TAOK3: variants seen among roughly 807,000 people sequenced by gnomAD.
The protein encoded by TAOK3 is TAO kinase 3, also known as serine/threonine-protein kinase TAO3.
Under a neutral mutation model 120.4 loss-of-function variants are expected in TAOK3, and 40 were observed. The observed-to-expected ratio is 0.33, with a 90% CI of 0.26 to 0.43. The LOEUF is 0.43. Ranked by LOEUF, TAOK3 falls within the 20% of genes least tolerant of loss-of-function variation. TAOK3 has a pLI of 1.00. For missense variants in TAOK3, 821 were observed against 1,112.1 expected (o/e 0.74, Z 3.72); for synonymous variants, 355 against 387.5 (o/e 0.92, Z 0.99).
At chr12:118,353,786 G>A (rs2045279275) in intron 1 of TAOK3, among the ~76,000 whole-genome samples, 1 of 152,162 alleles carries the variant, frequency 6.6e-6, no homozygotes, top group Non-Finnish European at 1.5e-5. Context: ...CCAGGAGCTG[G>A]CTAGGAGACA....
At chr12:118,250,815 G>C (rs2040718373) in intron 3 of TAOK3, among the ~76,000 whole-genome samples, 1 of 152,192 alleles carries the variant, frequency 6.6e-6, no homozygotes, top group South Asian at 2.1e-4. Flanking sequence ...ATGTGACTTA[G>C]GGAGGTCAGG....
At chr12:118,320,399 C>A (rs567664566) in intron 1 of TAOK3, among the ~76,000 whole-genome samples, 65 of 151,740 alleles carry the variant, frequency 4.3e-4, no homozygotes, top group African/African-American at 1.6e-3. Context: ...TGAGACAAGC[C>A]TGGACAACGT....
At chr12:118,219,311 G>A (rs1290297728) in intron 9 of TAOK3, among the ~76,000 whole-genome samples, 1 of 151,360 alleles carries the variant, frequency 6.6e-6, no homozygotes, top group African/African-American at 2.4e-5. Flanking sequence ...GGAGTGCAGT[G>A]GCGTGATCAG....
intron 1 of TAOK3, among the ~76,000 whole-genome samples, chr12:118,358,682 T>A (rs2045490233): frequency 6.6e-6 from 1 of 152,180 alleles, no homozygotes. Flanking sequence ...AAAAATTAAA[T>A]TTTTTTGAAA....
At position 118,243,501 on chromosome 12, in the gene TAOK3, G is replaced by A; in HGVS notation, c.208C>T (p.Leu70Phe). 1.4e-6 allele frequency: 2 copies of A among 1,480,472 alleles called. No individual in the cohort carries two copies. The highest frequency in any genetic ancestry group is 1.8e-6 in the Non-Finnish European group (2 of 1,106,276). 91.7% of individuals were successfully genotyped at this position (1,480,472 alleles called of 1,614,324 possible). Reference sequence around the variant, plus strand: ...TGTCGTAAAAATTTAACTTCCTTAAGAATATCTTGCCATTTCTATTGAAGT... The same window carrying A: ...TGTCGTAAAAATTTAACTTCCTTAAAAATATCTTGCCATTTCTATTGAAGT... ...KQTHEKWQDI[L>F]KEVKFLRQLK... The change falls in exon 5 of 21, where the codon CTT becomes TTT. Residue 70 changes from leucine to phenylalanine, a missense_variant. By Grantham distance (22) the Leu-to-Phe change is conservative. Coordinates refer to ENST00000392533, the MANE Select transcript of TAOK3 (RefSeq NM_016281.4).
intron 1 of TAOK3, among the ~76,000 whole-genome samples, chr12:118,269,121 CT>C (rs2041588125): frequency 6.6e-6 from 1 of 151,772 alleles, no homozygotes; most frequent in Non-Finnish European, 1.5e-5. Flanking sequence ...AGTTTTCTTT[CT>C]CTTTCTTTCT....
chr12:118,346,451 T>C (rs914298977), intron 1 of TAOK3, among the ~76,000 whole-genome samples: 1 of 152,220 alleles, frequency 6.6e-6, no homozygotes, highest in Non-Finnish European at 1.5e-5. Context: ...ATACTACTAA[T>C]AAATTTCTAT....
intron 2 of TAOK3, among the ~76,000 whole-genome samples, chr12:118,257,664 A>AG (rs1379682034): frequency 6.9e-6 from 1 of 145,750 alleles, no homozygotes; most frequent in Non-Finnish European, 1.5e-5. Flanking sequence ...TGCTAGGAGA[A>AG]GAAAAAAAAG....
intron 1 of TAOK3, among the ~76,000 whole-genome samples, chr12:118,323,805 G>C (rs906871450): frequency 5.3e-5 from 8 of 152,100 alleles, no homozygotes; most frequent in Non-Finnish European, 1.0e-4. Flanking sequence ...CTGTGGTCTG[G>C]AGCAGGAGAA....
chr12:118,159,612 G>A (rs2035086606), intron 19 of TAOK3, among the ~76,000 whole-genome samples: 1 of 152,130 alleles, frequency 6.6e-6, no homozygotes, highest in Non-Finnish European at 1.5e-5. Flanking sequence ...CACTTACCAT[G>A]TTTTACTATT....
Position 118,242,101 on chromosome 12 carries a change from A to G in TAOK3, c.294+1314T>C, listed in dbSNP as rs180690706. ...AAACTCTGTCTCAAAAAAAAAAAAAAAGAGAAAAACGAGCTTCAAGTAACA... is the reference window on the plus strand; with the variant it reads ...AAACTCTGTCTCAAAAAAAAAAAAAGAGAGAAAAACGAGCTTCAAGTAACA... On this transcript the variant is annotated intron_variant, in intron 5 of 20. Coordinates refer to ENST00000392533, the MANE Select transcript of TAOK3 (RefSeq NM_016281.4). 6.9e-3 allele frequency among the ~76,000 whole-genome samples: 1,044 copies of G among 152,050 alleles called. 15 individuals carry two copies. Among genetic ancestry groups the G allele is most frequent in the African/African-American group, 0.024 (977 of 41,484 alleles).
At chr12:118,325,310 T>C (rs1050537069) in intron 1 of TAOK3, among the ~76,000 whole-genome samples, 3 of 152,210 alleles carry the variant, frequency 2.0e-5, no homozygotes, top group African/African-American at 7.2e-5. Context: ...CTATTCTCCA[T>C]AGTGGCTGTA....
chr12:118,218,243 T>C (rs2039039451), intron 9 of TAOK3, among the ~76,000 whole-genome samples: 1 of 152,152 alleles, frequency 6.6e-6, no homozygotes, highest in South Asian at 2.1e-4. Flanking sequence ...AATGGATTTA[T>C]ATCTGTTTCA....
chr12:118,241,605 G>A (rs1233044874), intron 5 of TAOK3, among the ~76,000 whole-genome samples: 2 of 152,128 alleles, frequency 1.3e-5, no homozygotes, highest in Non-Finnish European at 1.5e-5. Flanking sequence ...GTTTGCTCCT[G>A]ACACTAAACA....
intron 1 of TAOK3, among the ~76,000 whole-genome samples, chr12:118,311,453 T>A (rs921092267): frequency 1.3e-5 from 2 of 151,988 alleles, no homozygotes; most frequent in Admixed American, 6.6e-5. Flanking sequence ...AGAGAGAGAC[T>A]CTGTCTCAGA....
intron 4 of TAOK3, 59 bp from the exon 5 acceptor site, chr12:118,243,575 C>G: frequency 1.5e-6 from 1 of 667,888 alleles, no homozygotes; most frequent in East Asian, 3.2e-5. Flanking sequence ...ATAGTATTTC[C>G]TATCAAGTAT....
At chr12:118,244,159 C>G (rs1430448188) in intron 4 of TAOK3, among the ~76,000 whole-genome samples, 12 of 152,164 alleles carry the variant, frequency 7.9e-5, no homozygotes, top group Admixed American at 7.9e-4. Flanking sequence ...ACATCCCAGG[C>G]TCAAGCAATC....
At chr12:118,207,665 G>T (rs1256350028) in intron 11 of TAOK3, among the ~76,000 whole-genome samples, 2 of 152,118 alleles carry the variant, frequency 1.3e-5, no homozygotes, top group Non-Finnish European at 2.9e-5. Flanking sequence ...GACCAGCCTG[G>T]CCAACAGGGT....
intron 1 of TAOK3, among the ~76,000 whole-genome samples, chr12:118,301,549 A>C (rs1042042590): frequency 6.6e-6 from 1 of 152,170 alleles, no homozygotes; most frequent in Non-Finnish European, 1.5e-5. Context: ...GTAATGGTCA[A>C]AATATTCAAA....
Sources: gnomAD v4.1 joint callset for allele counts (sites outside exome capture counted in the v4.1 genomes callset) on GRCh38, gnomAD v4.1.1 for gene constraint, MANE v1.5 for transcripts, NCBI Gene and HGNC (gene_info 2026-07-23, HGNC 2026-07-21) for gene names.